The following KLF4 variants were observed in gnomAD, a reference collection of about 807,000 sequenced individuals.
KLF4 encodes the protein KLF transcription factor 4.
A neutral mutation model predicts 38.0 loss-of-function variants in KLF4; 14 were observed. That is an observed-to-expected ratio of 0.37 (90% CI 0.24 to 0.58). The LOEUF is 0.58. KLF4 is among the 20% of genes least tolerant of loss of function. KLF4 has a pLI of 0.76. For missense variants in KLF4, 737 were observed against 670.1 expected, an observed-to-expected ratio of 1.10 and a Z score of -1.10; for synonymous variants, 398 against 302.5, an observed-to-expected ratio of 1.32 and a Z score of -3.28.
rs1186277677 is a variant in KLF4, at chr9:107,487,538, T to C, written c.856A>G (p.Thr286Ala). 1.2e-5 allele frequency: 19 copies of C among 1,563,878 alleles called. No individual in the cohort carries two copies. The highest frequency in any genetic ancestry group is 1.6e-5 in the Non-Finnish European group (19 of 1,156,650). Residue 286 changes from threonine (T) to alanine (A), a missense_variant, in exon 3 of 5, where the codon ACC (threonine) becomes GCC (alanine). Physicochemically the swap from Thr to Ala is moderately conservative, Grantham distance 58. Transcript: ENST00000374672. The surrounding 1 kb of genome is among the most constrained non-coding windows in gnomAD (Gnocchi z 6.1). ...AGAGGGGGTCCAGCGCCCAAGTGGG[T>C]GCACGAAGAGACCGCCTCCTGCTTG... ...KIKQEAVSSC[T>A]HLGAGPPLSN...
intron 4 of KLF4, among the ~76,000 whole-genome samples, chr9:107,486,592 C>G (rs990321597): frequency 6.6e-6 from 1 of 151,574 alleles, no homozygotes; most frequent in Non-Finnish European, 1.5e-5. Context: ...GACCAGAATT[C>G]AAAATAACAA....
At position 107,486,902 on chromosome 9, in the gene KLF4, GT is replaced by G; in HGVS notation, c.1264+125del. On this transcript the variant is annotated intron_variant, in intron 4 of 4. Coordinates refer to ENST00000374672, the MANE Select transcript of KLF4 (RefSeq NM_004235.6). ...TGGGAAGCCAAGGAGGCACTGAGGA[GT>G]GTCCACTGGTAGCCTATGGGGCTGG... 9 of 1,561,462 alleles carry G rather than the reference GT, an allele frequency of 5.8e-6. No homozygotes were observed. In the South Asian group the frequency reaches 7.3e-5, roughly 13 times the overall value.
Position 107,485,357 on chromosome 9 carries a change from G to A in KLF4, c.*394C>T, listed in dbSNP as rs913803913. 8.5e-6 allele frequency: 2 copies of A among 236,428 alleles called. No individual in the cohort carries two copies. Among genetic ancestry groups the A allele is most frequent in the African/African-American group, 4.4e-5 (2 of 45,392 alleles). 14.6% of individuals were successfully genotyped at this position (236,428 alleles called of 1,614,324 possible). On this transcript the variant is annotated 3_prime_UTR_variant, in exon 5 of 5. Transcript: ENST00000374672. This position sits in a 1 kb window ranked among gnomAD's most constrained non-coding sequence, Gnocchi z 4.9. ...AATAATGGCTTTTAGAAGGTAAAGA[G>A]AATACAAGGTGATCTTTTATGCTTA... is the stretch of plus-strand genomic sequence containing the variant.
intron 4 of KLF4, among the ~76,000 whole-genome samples, chr9:107,486,557 TA>T (rs1829066193): frequency 6.6e-6 from 1 of 151,032 alleles, no homozygotes. Flanking sequence ...AAATAAAAAA[TA>T]AAAAAGTAAG....
In KLF4 at chr9:107,487,988, G is replaced by GCGA. The variant is rs1829110883; in HGVS notation, c.403_405dup (p.Ser135dup). The GCGA allele has an allele frequency of 1.9e-6, 3 of 1,594,778 alleles. No homozygotes were observed. The highest frequency in any genetic ancestry group is 2.2e-5 in the South Asian group (2 of 89,192). ...GCGCTGGCAGGGCCGCTGCTCGACG[G>GCGA]CGACGACGAAGAGGAGGCTGACGCT... On this transcript the variant is annotated inframe_insertion, in exon 3 of 5. Transcript: ENST00000374672. The surrounding 1 kb of genome is among the most constrained non-coding windows in gnomAD (Gnocchi z 6.1).
In KLF4 at chr9:107,487,062, ACT is replaced by A; in HGVS notation, c.1228_1229del (p.Ser410PhefsTer13). On this transcript the variant is annotated frameshift_variant, in exon 4 of 5. Transcript: ENST00000374672. LOFTEE classifies it high-confidence loss of function. The surrounding 1 kb of genome is among the most constrained non-coding windows in gnomAD (Gnocchi z 6.1). ...YAGCGKTYTK[S>X]SHLKAHLRTH... ...TTCGCAGGTGTGCCTTGAGATGGGA[ACT>A]CTTTGTGTAGGTTTTGCCGCAGCCC... 6.2e-7 allele frequency: 1 copy of A among 1,613,662 alleles called. No individual in the cohort carries two copies.
Position 107,489,121 on chromosome 9 carries a change from AC to A in KLF4, c.5+46del, listed in dbSNP as rs1182351659. 4 of 1,545,978 alleles carry A rather than the reference AC, an allele frequency of 2.6e-6. No individual in the cohort carries two copies. The South Asian group carries it at 3.6e-5, about 14-fold the overall frequency. On this transcript the variant is annotated intron_variant, in intron 1 of 4. Transcript: ENST00000374672. Reference sequence around the variant, plus strand: ...TTCGGCCGTCGTTCCGGCGCGTCCCACCGGTCCTCACCCCTCCCTGCTCCCA... The same window carrying A: ...TTCGGCCGTCGTTCCGGCGCGTCCCACGGTCCTCACCCCTCCCTGCTCCCA...
At position 107,488,332 on chromosome 9, in the gene KLF4, G is replaced by T. The variant is rs1310941964; in HGVS notation, c.127-65C>A. On this transcript the variant is annotated intron_variant, in intron 2 of 4. Transcript: ENST00000374672. The surrounding 1 kb of genome is among the most constrained non-coding windows in gnomAD (Gnocchi z 5.7). ...CCCTGTTGCCACCCGACATACTGACGTGCTGGCGGGCCACGCGCGACTGCA... is the reference window on the plus strand; with the variant it reads ...CCCTGTTGCCACCCGACATACTGACTTGCTGGCGGGCCACGCGCGACTGCA... 2.0e-6 allele frequency: 3 copies of T among 1,474,720 alleles called. No individual in the cohort carries two copies. Among genetic ancestry groups the T allele is most frequent in the Non-Finnish European group, 2.7e-6 (3 of 1,116,932 alleles). 91.4% of individuals were successfully genotyped at this position (1,474,720 alleles called of 1,614,324 possible).
rs1158472969 is a variant in KLF4 at position 107,484,939 on chromosome 9, T to C, written c.*812A>G. 4 of 195,396 alleles carry C rather than the reference T, an allele frequency of 2.0e-5. No individual in the cohort carries two copies. The highest frequency in any genetic ancestry group is 4.3e-5 in the Non-Finnish European group (4 of 93,682). 12.1% of individuals were successfully genotyped at this position (195,396 alleles called of 1,614,324 possible). A position where few individuals can be genotyped will look rare whatever the true frequency, so the allele number is the denominator to read the frequency against. On this transcript the variant is annotated 3_prime_UTR_variant, in exon 5 of 5. Transcript: ENST00000374672. ...AACTCCACAAAATGTTCATTTTACT[T>C]TGTAGTTTACAAATATACAAAATAG...
In KLF4 at chr9:107,488,460, C is replaced by CT. The variant is rs1321966289; in HGVS notation, c.127-194dup. On this transcript the variant is annotated intron_variant, in intron 2 of 4. Transcript: ENST00000374672. The surrounding 1 kb of genome is among the most constrained non-coding windows in gnomAD (Gnocchi z 5.7). ...CCGGGTCGAAGAAGAGGTGATGCGT[C>CT]TGTATTGCGGGTGTTATGTCCTGTC... 12 of 994,156 alleles carry CT rather than the reference C, an allele frequency of 1.2e-5. No individual in the cohort carries two copies. Among genetic ancestry groups the CT allele is most frequent in the Non-Finnish European group, 2.9e-6 (2 of 698,542 alleles). The allele number at this position is 994,156 out of a possible 1,614,324, so 61.6% of individuals were successfully genotyped here.
intron 4 of KLF4, among the ~76,000 whole-genome samples, chr9:107,486,322 T>C (rs891204437): frequency 6.6e-6 from 1 of 152,052 alleles, no homozygotes; most frequent in Non-Finnish European, 1.5e-5. Flanking sequence ...CGACTGGGGA[T>C]AAAAAGCCAC....
In KLF4 at chr9:107,487,515, A is replaced by G. The variant is rs769930256; in HGVS notation, c.879T>C (p.Pro293=). 1.6e-4 allele frequency: 245 copies of G among 1,548,858 alleles called. No homozygotes were observed. Among genetic ancestry groups the G allele is most frequent in the Non-Finnish European group, 2.1e-4 (236 of 1,148,940 alleles). Residue 293 remains proline, a synonymous_variant, in exon 3 of 5, where the codon CCT becomes CCC. Transcript: ENST00000374672. The surrounding 1 kb of genome is among the most constrained non-coding windows in gnomAD (Gnocchi z 6.1). ...CAGCCGGCCGGTGGCCATTGCTGAGAGGGGGTCCAGCGCCCAAGTGGGTGC... is the reference window on the plus strand; with the variant it reads ...CAGCCGGCCGGTGGCCATTGCTGAGGGGGGGTCCAGCGCCCAAGTGGGTGC... ...SSCTHLGAGP[P]LSNGHRPAAH...
chr9:107,488,417 T>C lies in KLF4; in HGVS notation c.127-150A>G. 1 of 1,369,308 alleles carries C rather than the reference T, an allele frequency of 7.3e-7. No individual in the cohort carries two copies. The highest frequency in any genetic ancestry group is 9.6e-7 in the Non-Finnish European group (1 of 1,040,446). The allele number at this position is 1,369,308 out of a possible 1,614,324, so 84.8% of individuals were successfully genotyped here. On this transcript the variant is annotated intron_variant, in intron 2 of 4. Coordinates refer to ENST00000374672, the MANE Select transcript of KLF4 (RefSeq NM_004235.6). The surrounding 1 kb of genome is among the most constrained non-coding windows in gnomAD (Gnocchi z 5.7). ...ACCCGGGAACCCAGGGCGCCAGCGC[T>C]GCAATCTCGGCCCACTCCCGGGTCG...
rs751305868 is a variant in KLF4 at position 107,487,720 on chromosome 9, A to G, written c.674T>C (p.Leu225Pro). ...CGCCTTCAGCACGAACTTGCCCATC[A>G]GCCCGCCACCTGGCGGCTGCGGCTG... is the stretch of plus-strand genomic sequence containing the variant. ...PQQPQPPGGG[L>P]MGKFVLKASL... The change falls in exon 3 of 5, where the codon CTG (leucine) becomes CCG (proline). Residue 225 changes from leucine to proline, a missense_variant. Coordinates refer to ENST00000374672, the MANE Select transcript of KLF4 (RefSeq NM_004235.6). This position sits in a 1 kb window ranked among gnomAD's most constrained non-coding sequence, Gnocchi z 6.1. 4 of 1,600,026 alleles carry G rather than the reference A, an allele frequency of 2.5e-6. No individual in the cohort carries two copies. The highest frequency in any genetic ancestry group is 3.4e-6 in the Non-Finnish European group (4 of 1,174,444).
chr9:107,488,537 C>T lies in KLF4; in HGVS notation c.127-270G>A, dbSNP rs1416297026. 1.9e-6 allele frequency: 1 copy of T among 528,068 alleles called. No homozygotes were observed. The highest frequency in any genetic ancestry group is 3.7e-5 in the Admixed American group (1 of 26,672). 32.7% of individuals were successfully genotyped at this position (528,068 alleles called of 1,614,324 possible). A position where few individuals can be genotyped will look rare whatever the true frequency, so the allele number is the denominator to read the frequency against. On this transcript the variant is annotated intron_variant, in intron 2 of 4. Coordinates refer to ENST00000374672, the MANE Select transcript of KLF4 (RefSeq NM_004235.6). The surrounding 1 kb of genome is among the most constrained non-coding windows in gnomAD (Gnocchi z 5.7). The stretch of plus-strand genomic sequence containing the variant: ...GCGGCTGGTCCCTCCCCCTCCAGGT[C>T]CCGTGGACGTCCCCGGAATTGGCAC...
chr9:107,487,702 A>G lies in KLF4; in HGVS notation c.692T>C (p.Leu231Pro). The G allele has an allele frequency of 6.2e-7, 1 of 1,605,234 alleles. No individual in the cohort carries two copies. The highest frequency in any genetic ancestry group is 1.1e-5 in the South Asian group (1 of 90,344). The change falls in exon 3 of 5, where the codon CTG becomes CCG. Residue 231 changes from leucine to proline, a missense_variant. This residue lies in a region of KLF4 where 695 missense variants were observed against 554.5 expected (regional missense o/e 1.25). Coordinates refer to ENST00000374672, the MANE Select transcript of KLF4 (RefSeq NM_004235.6). The surrounding 1 kb of genome is among the most constrained non-coding windows in gnomAD (Gnocchi z 6.1). The stretch of plus-strand genomic sequence containing the variant: ...GCCAGGGGCGCTCAGCGACGCCTTC[A>G]GCACGAACTTGCCCATCAGCCCGCC... ...PGGGLMGKFV[L>P]KASLSAPGSE...
chr9:107,486,914 AGC>A (rs1829073341), intron 4 of KLF4, 112 bp downstream of exon 4: 1 of 1,578,756 alleles, frequency 6.3e-7, no homozygotes, highest in African/African-American at 1.3e-5. Context: ...GTCCACTGGT[AGC>A]CTATGGGGCT....
At position 107,487,857 on chromosome 9, in the gene KLF4, G is replaced by C; in HGVS notation, c.537C>G (p.Pro179=). The change falls in exon 3 of 5, where the codon CCC becomes CCG. Residue 179 remains proline, a synonymous_variant. Coordinates refer to ENST00000374672, the MANE Select transcript of KLF4 (RefSeq NM_004235.6). This position sits in a 1 kb window ranked among gnomAD's most constrained non-coding sequence, Gnocchi z 6.1. ...CCAGGTTGAAGGGAGCCGTCGGAGG[G>C]GGAGCGGACTCCCTGCCATAGAGGA... ...GGLLYGRESA[P]PPTAPFNLAD... is the part of the protein sequence containing the mutation. 6.5e-7 allele frequency: 1 copy of C among 1,530,242 alleles called. No homozygotes were observed. The highest frequency in any genetic ancestry group is 8.8e-7 in the Non-Finnish European group (1 of 1,137,734). The allele number at this position is 1,530,242 out of a possible 1,614,324, so 94.8% of individuals were successfully genotyped here.
chr9:107,485,677 C>T lies in KLF4; in HGVS notation c.*74G>A, dbSNP rs988046086. Reference sequence around the variant, plus strand: ...TTTCTGGCTGGGCTCCTTCCCTCATCGGGAAGACAGTGTGAAAAGTAAAAA... The same window carrying T: ...TTTCTGGCTGGGCTCCTTCCCTCATTGGGAAGACAGTGTGAAAAGTAAAAA... On this transcript the variant is annotated 3_prime_UTR_variant, in exon 5 of 5. Transcript: ENST00000374672. The surrounding 1 kb of genome is among the most constrained non-coding windows in gnomAD (Gnocchi z 4.9). 11 of 1,391,866 alleles carry T rather than the reference C, an allele frequency of 7.9e-6. No homozygotes were observed. Among genetic ancestry groups the T allele is most frequent in the African/African-American group, 3.0e-5 (2 of 67,450 alleles). 86.2% of individuals were successfully genotyped at this position (1,391,866 alleles called of 1,614,324 possible).
Sources: gnomAD v4.1 joint callset for allele counts (sites outside exome capture counted in the v4.1 genomes callset) on GRCh38, gnomAD v4.1.1 for gene constraint, gnomAD v4.1.1 regional missense constraint, Gnocchi (gnomAD v3.1) non-coding constraint, MANE v1.5 for transcripts, NCBI Gene and HGNC (gene_info 2026-07-23, HGNC 2026-07-21) for gene names.